The following BZW2 variants were observed in gnomAD, a reference collection of about 807,000 sequenced individuals.
BZW2 encodes the protein basic leucine zipper and W2 domains 2.
Under a neutral mutation model 53.2 loss-of-function variants are expected in BZW2, and 23 were observed. That is an observed-to-expected ratio of 0.43 (90% CI 0.31 to 0.61). BZW2 has a LOEUF of 0.61. Ranked by LOEUF, BZW2 falls within the 20% of genes least tolerant of loss-of-function variation. The pLI, the probability that BZW2 is intolerant of heterozygous loss-of-function variation, is 0.09. For missense variants in BZW2, 409 were observed against 503.1 expected, an observed-to-expected ratio of 0.81 and a Z score of 1.79; for synonymous variants, 227 against 186.4, an observed-to-expected ratio of 1.22 and a Z score of -1.77.
intron 2 of BZW2, among the ~76,000 whole-genome samples, chr7:16,667,661 T>G (rs1220998151): frequency 2.0e-5 from 3 of 152,238 alleles, no homozygotes; most frequent in African/African-American, 7.2e-5. Flanking sequence ...TGAATTTAAC[T>G]GTGTGCTATC....
At chr7:16,649,287 T>C (rs1379090449) in intron 1 of BZW2, among the ~76,000 whole-genome samples, 21 of 152,254 alleles carry the variant, frequency 1.4e-4, no homozygotes. Flanking sequence ...GTATGCTCAG[T>C]ACAAGCTGAG....
chr7:16,671,614 C>T (rs1422616343), intron 2 of BZW2, among the ~76,000 whole-genome samples: 4 of 151,942 alleles, frequency 2.6e-5, no homozygotes, highest in Admixed American at 2.6e-4. Context: ...TATGTATGTT[C>T]GTATTGCTCT....
chr7:16,690,376 AT>A (rs919995638), intron 7 of BZW2, among the ~76,000 whole-genome samples: 3 of 151,466 alleles, frequency 2.0e-5, no homozygotes, highest in Non-Finnish European at 2.9e-5. Flanking sequence ...TAATTTTTGG[AT>A]TTTTTTTAAT....
chr7:16,699,682 A>G (rs1161528318), intron 10 of BZW2, among the ~76,000 whole-genome samples: 1 of 152,078 alleles, frequency 6.6e-6, no homozygotes, highest in Non-Finnish European at 1.5e-5. Flanking sequence ...TATTATTGTA[A>G]TGAAATCACA....
intron 4 of BZW2, among the ~76,000 whole-genome samples, chr7:16,682,554 T>G (rs1271211179): frequency 3.3e-5 from 5 of 152,216 alleles, no homozygotes; most frequent in Non-Finnish European, 7.3e-5. Context: ...ACCTGCTATA[T>G]TCTTGAATGA....
At chr7:16,705,999 A>G in intron 11 of BZW2, 61 bp from the exon 12 acceptor site, 1 of 1,597,916 alleles carries the variant, frequency 6.3e-7, no homozygotes, top group Non-Finnish European at 8.6e-7. Flanking sequence ...GACTGTAGTA[A>G]CTTTTGACCT....
At chr7:16,679,634 C>G (rs1307652779) in intron 3 of BZW2, among the ~76,000 whole-genome samples, 1 of 152,192 alleles carries the variant, frequency 6.6e-6, no homozygotes, top group African/African-American at 2.4e-5. Context: ...ATCCAGAGAT[C>G]TGAAATCACA....
chr7:16,646,555 G>C (rs1291936045), intron 1 of BZW2, among the ~76,000 whole-genome samples: 1 of 152,196 alleles, frequency 6.6e-6, no homozygotes, highest in Non-Finnish European at 1.5e-5. Context: ...GCGGGCGGGG[G>C]CCAGCCACGC....
In BZW2 at chr7:16,649,962, A is replaced by G. The variant is rs371624617; in HGVS notation, c.-8+3674A>G. Among the ~76,000 whole-genome samples, 18 of 152,346 alleles carry G rather than the reference A, an allele frequency of 1.2e-4. No individual in the cohort carries two copies. In the South Asian group the frequency reaches 3.7e-3, roughly 32 times the overall value. ...TTGGATATATTTGAGATTTTCCATA[A>G]TGAAGTTTTTAAAAAGAAAATTTGG... On this transcript the variant is annotated intron_variant, in intron 1 of 11. Transcript: ENST00000258761.
intron 2 of BZW2, among the ~76,000 whole-genome samples, chr7:16,672,594 C>A (rs946856438): frequency 6.6e-6 from 1 of 152,156 alleles, no homozygotes; most frequent in Non-Finnish European, 1.5e-5. Context: ...TTGCTCCTCT[C>A]TCCTCACATC....
chr7:16,656,532 C>G (rs928841141), intron 1 of BZW2, among the ~76,000 whole-genome samples: 1 of 148,150 alleles, frequency 6.7e-6, no homozygotes, highest in Non-Finnish European at 1.5e-5. Context: ...TGTTGATCAT[C>G]AAGCACTCCC....
chr7:16,664,926 G>A (rs150505123), intron 1 of BZW2, among the ~76,000 whole-genome samples: 27 of 152,286 alleles, frequency 1.8e-4, no homozygotes, highest in African/African-American at 6.3e-4. Context: ...GTTGGTGTCT[G>A]TGGTTGTTTT....
chr7:16,662,005 G>C (rs1782279010), intron 1 of BZW2: 1 of 152,106 alleles, frequency 6.6e-6, no homozygotes, highest in South Asian at 2.1e-4. Flanking sequence ...TAATAGAACT[G>C]TCTTTGTTAT....
chr7:16,705,482 G>A (rs537917154), intron 11 of BZW2, among the ~76,000 whole-genome samples: 2 of 151,930 alleles, frequency 1.3e-5, no homozygotes, highest in African/African-American at 2.4e-5. Context: ...TCGGGAGATC[G>A]AGACCATCTT....
rs763593269 is a variant in BZW2, at chr7:16,698,196, C to T, written c.1108+10C>T. 1.9e-6 allele frequency: 3 copies of T among 1,613,978 alleles called. No homozygotes were observed. Among genetic ancestry groups the T allele is most frequent in the South Asian group, 2.2e-5 (2 of 91,042 alleles). On this transcript the variant is annotated intron_variant, in intron 10 of 11. Transcript: ENST00000258761. ...GTTCTCTTTTATAAAGGTATCCATC[C>T]ACGTGCCACTGCTGTGCTTCTGTGT...
At chr7:16,688,010 TTTG>T (rs1314625078) in intron 6 of BZW2, among the ~76,000 whole-genome samples, 3 of 152,080 alleles carry the variant, frequency 2.0e-5, no homozygotes, top group Non-Finnish European at 2.9e-5. Flanking sequence ...TAATGCATGT[TTTG>T]TTGTTATAGC....
chr7:16,695,048 G>C (rs1783436237), intron 8 of BZW2, 44 bp downstream of exon 8: 2 of 1,470,306 alleles, frequency 1.4e-6, no homozygotes, highest in Non-Finnish European at 1.8e-6. Context: ...ACATGAATGA[G>C]AGGAATTACA....
rs1407880598 is a variant in BZW2, at chr7:16,697,913, TATG to T, written c.970-129_970-127del. 4 of 1,078,264 alleles carry T rather than the reference TATG, an allele frequency of 3.7e-6. No individual in the cohort carries two copies. In the African/African-American group the frequency reaches 6.3e-5, roughly 17 times the overall value. 66.8% of individuals were successfully genotyped at this position (1,078,264 alleles called of 1,614,324 possible). A position where few individuals can be genotyped will look rare whatever the true frequency, so the allele number is the denominator to read the frequency against. ...GTTCCCCTCACCCCATTGGGCACAA[TATG>T]ATGATAAAAGGTGTCAATCCTGAAA... is the stretch of plus-strand genomic sequence containing the variant. On this transcript the variant is annotated intron_variant, in intron 9 of 11. Coordinates refer to ENST00000258761, the MANE Select transcript of BZW2 (RefSeq NM_014038.3).
At chr7:16,687,152 T>A (rs182721056) in intron 6 of BZW2, 75 of 152,282 alleles carry the variant, frequency 4.9e-4, no homozygotes, top group African/African-American at 1.8e-3. Context: ...ATCCAAAAAT[T>A]ACGTTATTAG....
Sources: allele counts gnomAD v4.1 joint callset (sites outside exome capture counted in the v4.1 genomes callset), GRCh38; gene constraint gnomAD v4.1.1; transcripts MANE v1.5; gene names NCBI Gene and HGNC (gene_info 2026-07-23, HGNC 2026-07-21).